Variants in FOCAD observed in about 807,000 individuals in gnomAD.
FOCAD encodes KIAA1797.
Under a neutral mutation model 225.6 loss-of-function variants are expected in FOCAD, and 198 were observed. That is an observed-to-expected ratio of 0.88 (90% CI 0.78 to 0.99). The LOEUF is 0.99. Ranked by LOEUF, FOCAD falls within the 50% of genes least tolerant of loss-of-function variation. The pLI is 0.00. For missense variants in FOCAD, 2,713 were observed against 2,123.6 expected, an observed-to-expected ratio of 1.28 and a Z score of -5.46; for synonymous variants, 897 against 755.0, an observed-to-expected ratio of 1.19 and a Z score of -3.08.
In FOCAD at chr9:20,949,650, A is replaced by T. The variant is rs761461836; in HGVS notation, c.3923A>T (p.Asn1308Ile). ...IQTSHFQGRL[N>I]EVIRTLTQVI... The stretch of plus-strand genomic sequence containing the variant: ...ACCTCTCATTTTCAAGGCAGACTTA[A>T]TGAAGTCATTAGAACCTTAACTCAG... The change falls in exon 33 of 44, where the codon AAT (asparagine) becomes ATT (isoleucine). Residue 1308 changes from asparagine (N) to isoleucine (I), a missense_variant. Transcript: ENST00000338382. The T allele has an allele frequency of 1.2e-6, 2 of 1,613,144 alleles. No homozygotes were observed.
chr9:20,789,831 C>CA (rs924393517), intron 11 of FOCAD, among the ~76,000 whole-genome samples: 3 of 151,382 alleles, frequency 2.0e-5, no homozygotes, highest in Non-Finnish European at 4.4e-5. Flanking sequence ...AAGCACACTT[C>CA]ACAACGAAAT....
chr9:20,974,653 A>T lies in FOCAD; in HGVS notation c.4133-1767A>T, dbSNP rs28482253. ...TCTGCTGCTGTTTTCACGTTTGCTG[A>T]CTCTACCCTACTTCCCCCTTCTTTC... On this transcript the variant is annotated intron_variant, in intron 35 of 43. Transcript: ENST00000338382. Among the ~76,000 whole-genome samples, 98 of 128,678 alleles carry T rather than the reference A, an allele frequency of 7.6e-4. 1 individual carries two copies. The highest frequency in any genetic ancestry group is 1.7e-3 in the African/African-American group (52 of 30,584). The allele number at this position is 128,678 out of a possible 152,430, so 84.4% of individuals were successfully genotyped here. A position where few individuals can be genotyped will look rare whatever the true frequency, so the allele number is the denominator to read the frequency against.
rs138621144 is a variant in FOCAD, at chr9:20,944,764, C to A, written c.3545C>A (p.Thr1182Lys). The A allele has an allele frequency of 1.2e-6, 2 of 1,612,326 alleles. No individual in the cohort carries two copies. Among genetic ancestry groups the A allele is most frequent in the East Asian group, 4.5e-5 (2 of 44,818 alleles). ...GATGACAGCGGGAGCCAGAGCAGAA[C>A]GTTTCAGGAGGTAAGAGATGGAGGC... ...HVDDSGSQSR[T>K]FQEVLAYTLS... Residue 1182 changes from threonine (T) to lysine (K), a missense_variant, in exon 29 of 44, where the codon ACG becomes AAG. Transcript: ENST00000338382.
chr9:20,798,548 A>T (rs894742600), intron 11 of FOCAD, among the ~76,000 whole-genome samples: 15 of 152,252 alleles, frequency 9.9e-5, no homozygotes, highest in Admixed American at 5.9e-4. Flanking sequence ...CTATTCAGAG[A>T]TTCAACTTCT....
At chr9:20,865,578 G>C (rs752038325) in intron 16 of FOCAD, among the ~76,000 whole-genome samples, 1 of 152,000 alleles carries the variant, frequency 6.6e-6, no homozygotes, top group Non-Finnish European at 1.5e-5. Flanking sequence ...ACCATGTGCC[G>C]TATGGCCACA....
intron 15 of FOCAD, among the ~76,000 whole-genome samples, chr9:20,823,468 G>A (rs1418780653): frequency 2.0e-5 from 3 of 152,060 alleles, no homozygotes; most frequent in East Asian, 1.9e-4. Context: ...AACAGGTGAG[G>A]TGAAGAAATT....
intron 1 of FOCAD, among the ~76,000 whole-genome samples, chr9:20,710,399 C>T (rs1183733455): frequency 1.3e-5 from 2 of 151,786 alleles, no homozygotes; most frequent in African/African-American, 4.8e-5. Context: ...ATTTTGAGAC[C>T]AGCCTCGCCA....
At chr9:20,675,232 C>T (rs946373047) in intron 2 of FOCAD, among the ~76,000 whole-genome samples, 3 of 152,112 alleles carry the variant, frequency 2.0e-5, no homozygotes, top group Admixed American at 1.3e-4. Flanking sequence ...GGTAGGCAAA[C>T]TATAGTCTGT....
At chr9:20,717,733 G>T in intron 2 of FOCAD, 61 bp from the exon 3 acceptor site, 1 of 1,241,134 alleles carries the variant, frequency 8.1e-7, no homozygotes, top group Non-Finnish European at 1.2e-6. Flanking sequence ...ATATCAACTA[G>T]TATTGATATT....
At chr9:20,991,384 A>G (rs1195805284) in intron 42 of FOCAD, among the ~76,000 whole-genome samples, 3 of 152,190 alleles carry the variant, frequency 2.0e-5, no homozygotes, top group Non-Finnish European at 4.4e-5. Flanking sequence ...CTTTAAAAAC[A>G]TTTCTGAACT....
At chr9:20,858,425 T>G (rs1196559230) in intron 15 of FOCAD, among the ~76,000 whole-genome samples, 1 of 152,106 alleles carries the variant, frequency 6.6e-6, no homozygotes, top group Admixed American at 6.5e-5. Flanking sequence ...TTTGTGGTAT[T>G]GTATTTTGTG....
intron 2 of FOCAD, among the ~76,000 whole-genome samples, chr9:20,716,794 G>T (rs1377162188): frequency 6.6e-6 from 1 of 152,014 alleles, no homozygotes; most frequent in Non-Finnish European, 1.5e-5. Context: ...GATACAGTTG[G>T]TATTGCCTGC....
intron 1 of FOCAD, among the ~76,000 whole-genome samples, chr9:20,703,027 C>T (rs1256695294): frequency 1.3e-5 from 2 of 151,992 alleles, no homozygotes; most frequent in Admixed American, 6.6e-5. Flanking sequence ...CAAAACAAAA[C>T]GGTCCCTGCC....
Position 20,819,913 on chromosome 9 carries a change from A to G in FOCAD, c.1560+13A>G, listed in dbSNP as rs1824133088. 2 of 1,452,764 alleles carry G rather than the reference A, an allele frequency of 1.4e-6. No individual in the cohort carries two copies. The highest frequency in any genetic ancestry group is 2.9e-5 in the African/African-American group (2 of 68,920). The allele number at this position is 1,452,764 out of a possible 1,614,324, so 90.0% of individuals were successfully genotyped here. A position where few individuals can be genotyped will look rare whatever the true frequency, so the allele number is the denominator to read the frequency against. On this transcript the variant is annotated intron_variant, in intron 12 of 43. Coordinates refer to ENST00000338382, the MANE Select transcript of FOCAD (RefSeq NM_001375567.1). Reference sequence around the variant, plus strand: ...TGGTGTTCACAAGGTTAGTATGTTAATTAATTTAGTTGGCGAAAAAAGTGA... The same window carrying G: ...TGGTGTTCACAAGGTTAGTATGTTAGTTAATTTAGTTGGCGAAAAAAGTGA...
At chr9:20,940,542 T>G (rs1836544488) in intron 28 of FOCAD, among the ~76,000 whole-genome samples, 1 of 152,140 alleles carries the variant, frequency 6.6e-6, no homozygotes, top group African/African-American at 2.4e-5. Context: ...AACCCTGGCC[T>G]CCCAAAGTAA....
Position 20,973,385 on chromosome 9 carries a change from C to CT in FOCAD, c.4133-3021dup, listed in dbSNP as rs1193012099. 6.1e-3 allele frequency among the ~76,000 whole-genome samples: 886 copies of CT among 144,282 alleles called. 10 individuals carry two copies. The highest frequency in any genetic ancestry group is 0.033 in the South Asian group (150 of 4,558). 94.7% of individuals were successfully genotyped at this position (144,282 alleles called of 152,430 possible). A position where few individuals can be genotyped will look rare whatever the true frequency, so the allele number is the denominator to read the frequency against. On this transcript the variant is annotated intron_variant, in intron 35 of 43. Transcript: ENST00000338382. ...TTTCCCATGTTTCTCCTTTCTGCAG[C>CT]TTTTTTTTTTTTTTCTGCTGACTCT...
intron 2 of FOCAD, among the ~76,000 whole-genome samples, chr9:20,675,203 A>G (rs986968118): frequency 2.6e-5 from 4 of 152,218 alleles, no homozygotes; most frequent in East Asian, 1.9e-4. Flanking sequence ...GAAGAGAGCC[A>G]TGGTTGGCTT....
chr9:20,727,752 A>G (rs1826328891), intron 4 of FOCAD, among the ~76,000 whole-genome samples: 1 of 152,202 alleles, frequency 6.6e-6, no homozygotes, highest in Non-Finnish European at 1.5e-5. Context: ...TATCTTGTTC[A>G]GGGGTCTGAA....
chr9:20,695,904 G>C (rs1823333468), intron 1 of FOCAD, among the ~76,000 whole-genome samples: 1 of 152,154 alleles, frequency 6.6e-6, no homozygotes, highest in Non-Finnish European at 1.5e-5. Context: ...GTCAAGATTG[G>C]CCCCAAATAA....
Sources: allele counts gnomAD v4.1 joint callset (sites outside exome capture counted in the v4.1 genomes callset), GRCh38; gene constraint gnomAD v4.1.1; transcripts MANE v1.5; gene names NCBI Gene and HGNC (gene_info 2026-07-23, HGNC 2026-07-21).